TNFRSF1B: variants seen among roughly 807,000 people sequenced by gnomAD.
TNFRSF1B encodes tumor necrosis factor receptor superfamily member 1B.
A neutral mutation model predicts 44.6 loss-of-function variants in TNFRSF1B; 19 were observed. The ratio of observed to expected loss-of-function variants is 0.43; its 90% CI spans 0.30 to 0.62. The LOEUF (loss-of-function observed/expected upper bound fraction) is 0.62, where lower values mean the gene tolerates loss of function less well. Among genes scored for constraint, TNFRSF1B ranks in the 20% least tolerant of loss-of-function variants. The probability of loss-of-function intolerance (pLI) is 0.16; values close to 1 mark genes in which losing one functional copy is unlikely to be tolerated. For synonymous variants in TNFRSF1B, 252 were observed against 261.1 expected (o/e 0.97, Z 0.34); for missense variants, 541 against 619.9 (o/e 0.87, Z 1.35).
At chr1:12,202,242 C>T in intron 9 of TNFRSF1B, 71 bp downstream of exon 9, 2 of 1,516,234 alleles carry the variant, frequency 1.3e-6, no homozygotes, top group Non-Finnish European at 8.8e-7. Context: ...TCTGTCTTAG[C>T]CATCTCCTCC....
At chr1:12,198,689 C>CTTTTTTTTTTTT (rs1324757848) in intron 8 of TNFRSF1B, among the ~76,000 whole-genome samples, 52 of 44,046 alleles carry the variant, frequency 1.2e-3, no homozygotes, top group African/African-American at 1.4e-3. Flanking sequence ...GGCTGGAATT[C>CTTTTTTTTTTTT]TGTTTTTTTT....
At chr1:12,173,454 C>G (rs1456600791) in intron 1 of TNFRSF1B, among the ~76,000 whole-genome samples, 1 of 152,192 alleles carries the variant, frequency 6.6e-6, no homozygotes, top group African/African-American at 2.4e-5. Context: ...GCCTTTCAGC[C>G]TTCATGAAGG....
intron 1 of TNFRSF1B, among the ~76,000 whole-genome samples, chr1:12,185,842 C>G (rs1233543056): frequency 6.6e-6 from 1 of 152,166 alleles, no homozygotes; most frequent in Non-Finnish European, 1.5e-5. Context: ...AAAGGGTAAC[C>G]CCCAGCCTGC....
chr1:12,172,305 C>T (rs757514239), intron 1 of TNFRSF1B, among the ~76,000 whole-genome samples: 10 of 152,344 alleles, frequency 6.6e-5, no homozygotes, highest in Middle Eastern at 3.4e-3. Context: ...AACCTCAAGT[C>T]GCTGCTCTGC....
chr1:12,180,539 A>T lies in TNFRSF1B; in HGVS notation c.79-8257A>T, dbSNP rs5745985. On this transcript the variant is annotated intron_variant, in intron 1 of 9. Coordinates refer to ENST00000376259, the MANE Select transcript of TNFRSF1B (RefSeq NM_001066.3). The surrounding 1 kb of genome is among the most constrained non-coding windows in gnomAD (Gnocchi z 4.3). ...TGCTCAATTCCCCAAGAGCTGACGC[A>T]AACTCCAGAATCAGACCTGCCCTGG... Among the ~76,000 whole-genome samples the T allele has an allele frequency of 5.2e-3, 793 of 152,320 alleles. 4 individuals carry two copies. The highest frequency in any genetic ancestry group is 0.018 in the African/African-American group (739 of 41,574).
At chr1:12,191,110 G>A in intron 3 of TNFRSF1B, 25 bp downstream of exon 3, 1 of 1,610,054 alleles carries the variant, frequency 6.2e-7, no homozygotes. Context: ...AGAAAAAGGG[G>A]GCCCTTACAC....
chr1:12,196,647 G>A (rs1268720100), intron 8 of TNFRSF1B, among the ~76,000 whole-genome samples: 1 of 152,244 alleles, frequency 6.6e-6, no homozygotes, highest in Non-Finnish European at 1.5e-5. Flanking sequence ...AGGTCGCACC[G>A]CAGTGTGTCT....
rs779932302 is a variant in TNFRSF1B at position 12,186,018 on chromosome 1, A to G, written c.79-2778A>G. On this transcript the variant is annotated intron_variant, in intron 1 of 9. Transcript: ENST00000376259. This position sits in a 1 kb window ranked among gnomAD's most constrained non-coding sequence, Gnocchi z 4.8. ...TGCCTGAGCAGGGCTCTTAAGGGAC[A>G]CGTGGAATTTGTTACAGGAAGCACC... Among the ~76,000 whole-genome samples the G allele has an allele frequency of 9.2e-5, 14 of 152,184 alleles. No homozygotes were observed. Among genetic ancestry groups the G allele is most frequent in the Non-Finnish European group, 1.9e-4 (13 of 68,016 alleles).
At chr1:12,183,597 TTATC>T (rs200399977) in intron 1 of TNFRSF1B, among the ~76,000 whole-genome samples, 3,404 of 148,304 alleles carry the variant, frequency 0.023, 62 homozygotes, top group Non-Finnish European at 0.035. Context: ...TCTTTCTATT[TTATC>T]TATCTATCTA....
chr1:12,194,461 G>A lies in TNFRSF1B; in HGVS notation c.866-123G>A, dbSNP rs1039098750. On this transcript the variant is annotated intron_variant, in intron 7 of 9. Coordinates refer to ENST00000376259, the MANE Select transcript of TNFRSF1B (RefSeq NM_001066.3). ...GGCTTCTGTGGACCTTGTCTGGTAG[G>A]CGATTGGTCCCCACAGGGCTGGGCC... 4.2e-6 allele frequency: 4 copies of A among 960,312 alleles called. No individual in the cohort carries two copies. The African/African-American group carries it at 6.5e-5, about 16-fold the overall frequency. The allele number at this position is 960,312 out of a possible 1,614,324, so 59.5% of individuals were successfully genotyped here. A position where few individuals can be genotyped will look rare whatever the true frequency, so the allele number is the denominator to read the frequency against.
At chr1:12,170,923 G>A (rs1044330111) in intron 1 of TNFRSF1B, among the ~76,000 whole-genome samples, 1 of 151,324 alleles carries the variant, frequency 6.6e-6, no homozygotes. Context: ...TGATCCTCCC[G>A]CCTCAGCCTC....
At chr1:12,197,568 G>A (rs919365290) in intron 8 of TNFRSF1B, among the ~76,000 whole-genome samples, 4 of 152,124 alleles carry the variant, frequency 2.6e-5, no homozygotes, top group Non-Finnish European at 5.9e-5. Flanking sequence ...ATTTTACAGA[G>A]GAGGAAACTG....
rs17882921 is a variant in TNFRSF1B at position 12,193,842 on chromosome 1, C to T, written c.788-113C>T. 3.0e-3 allele frequency: 2,288 copies of T among 754,110 alleles called. 33 individuals are homozygous for T. In the African/African-American group the frequency reaches 0.032, roughly 11 times the overall value. 46.7% of individuals were successfully genotyped at this position (754,110 alleles called of 1,614,324 possible). A position where few individuals can be genotyped will look rare whatever the true frequency, so the allele number is the denominator to read the frequency against. On this transcript the variant is annotated intron_variant, in intron 6 of 9. Coordinates refer to ENST00000376259, the MANE Select transcript of TNFRSF1B (RefSeq NM_001066.3). ...GATTTGAGAATCTCCGGCCTAGACTCGCCCCTCATTTGCAATGACCCGAAG... is the reference window on the plus strand; with the variant it reads ...GATTTGAGAATCTCCGGCCTAGACTTGCCCCTCATTTGCAATGACCCGAAG...
chr1:12,174,158 C>T (rs554735944), intron 1 of TNFRSF1B, among the ~76,000 whole-genome samples: 1 of 102,106 alleles, frequency 9.8e-6, no homozygotes, highest in East Asian at 2.4e-4. Flanking sequence ...TCTTCTTCTT[C>T]TTCTTCTCCT....
In TNFRSF1B at chr1:12,208,279, T is replaced by A. The variant is rs1433629570; in HGVS notation, c.*1259T>A. 3 of 152,752 alleles carry A rather than the reference T, an allele frequency of 2.0e-5. No individual in the cohort carries two copies. The highest frequency in any genetic ancestry group is 7.2e-5 in the African/African-American group (3 of 41,428). The allele number at this position is 152,752 out of a possible 1,614,324, so 9.5% of individuals were successfully genotyped here. On this transcript the variant is annotated 3_prime_UTR_variant, in exon 10 of 10. Coordinates refer to ENST00000376259, the MANE Select transcript of TNFRSF1B (RefSeq NM_001066.3). ...TGAGTCCTCGTAGCCATCTCTCTAC[T>A]CCTACCTCAGCCTAGACCCTCCTCC... is the stretch of plus-strand genomic sequence containing the variant.
chr1:12,201,227 CT>C (rs1377913169), intron 8 of TNFRSF1B, among the ~76,000 whole-genome samples: 9 of 146,610 alleles, frequency 6.1e-5, no homozygotes, highest in African/African-American at 2.0e-4. Context: ...TGCCACTCCA[CT>C]CCTGCCTGAG....
Position 12,190,989 on chromosome 1 carries a change from T to A in TNFRSF1B, c.211T>A (p.Ser71Thr). The stretch of plus-strand genomic sequence containing the variant: ...TGCAAAAGTCTTCTGTACCAAGACC[T>A]CGGACACCGTGTGTGACTCCTGTGA... ...QHAKVFCTKT[S>T]DTVCDSCEDS... is the part of the protein sequence containing the mutation. Residue 71 changes from serine to threonine, a missense_variant, in exon 3 of 10, where the codon TCG (serine) becomes ACG (threonine). Ser to Thr is a moderately conservative substitution (Grantham distance 58). Coordinates refer to ENST00000376259, the MANE Select transcript of TNFRSF1B (RefSeq NM_001066.3). The A allele has an allele frequency of 6.2e-7, 1 of 1,613,994 alleles. No homozygotes were observed. The highest frequency in any genetic ancestry group is 2.2e-5 in the East Asian group (1 of 44,898).
chr1:12,188,308 A>AGAG (rs1240144055), intron 1 of TNFRSF1B, among the ~76,000 whole-genome samples: 5 of 152,182 alleles, frequency 3.3e-5, no homozygotes, highest in East Asian at 1.9e-4. Context: ...GAGAGAGCCG[A>AGAG]GAGGAGGAGG....
At position 12,183,662 on chromosome 1, in the gene TNFRSF1B, A is replaced by ATCTATCTATCTATCTAT. The variant is rs1553163389; in HGVS notation, c.79-5133_79-5117dup. Among the ~76,000 whole-genome samples the ATCTATCTATCTATCTAT allele has an allele frequency of 1.7e-4, 16 of 95,488 alleles. No individual in the cohort carries two copies. In the East Asian group the frequency reaches 1.9e-3, roughly 11 times the overall value. The allele number at this position is 95,488 out of a possible 152,430, so 62.6% of individuals were successfully genotyped here. A position where few individuals can be genotyped will look rare whatever the true frequency, so the allele number is the denominator to read the frequency against. On this transcript the variant is annotated intron_variant, in intron 1 of 9. Coordinates refer to ENST00000376259, the MANE Select transcript of TNFRSF1B (RefSeq NM_001066.3). ...TCTAGCTATTTTATCTATTTTATCT[A>ATCTATCTATCTATCTAT]TCTATCTATCTATCTATCTATCTAT...
Sources: allele counts gnomAD v4.1 joint callset (sites outside exome capture counted in the v4.1 genomes callset), GRCh38; gene constraint gnomAD v4.1.1; non-coding constraint Gnocchi (gnomAD v3.1); transcripts MANE v1.5; gene names NCBI Gene and HGNC (gene_info 2026-07-23, HGNC 2026-07-21).